MARCHF1: variants seen among roughly 807,000 people sequenced by gnomAD.
MARCHF1 encodes membrane associated ring-CH-type finger 1, also known as E3 ubiquitin-protein ligase MARCHF1.
In MARCHF1, 40 loss-of-function variants were observed where a neutral mutation model predicts 54.2. The ratio of observed to expected loss-of-function variants is 0.74; its 90% CI spans 0.57 to 0.96. The LOEUF (loss-of-function observed/expected upper bound fraction) is 0.96. Ranked by LOEUF, MARCHF1 falls within the 40% of genes least tolerant of loss-of-function variation. The pLI, the probability that MARCHF1 is intolerant of heterozygous loss-of-function variation, is 0.00. For missense variants in MARCHF1, 586 were observed against 656.5 expected (o/e 0.89, Z 1.17); for synonymous variants, 236 against 236.3 (o/e 1.00, Z 0.01).
Position 163,879,336 on chromosome 4 carries a change from C to G in MARCHF1, c.-38-25167G>C, listed in dbSNP as rs149323083. ...GTATAGCTGTCCCTAGTAATACAAG[C>G]TAATTATATATAACATTTGTATAAC... On this transcript the variant is annotated intron_variant, in intron 3 of 9. Transcript: ENST00000514618. Among the ~76,000 whole-genome samples, 51 of 152,220 alleles carry G rather than the reference C, an allele frequency of 3.4e-4. 1 individual carries two copies. In the East Asian group the frequency reaches 9.3e-3, roughly 28 times the overall value.
chr4:163,614,320 T>A (rs1741443647), intron 5 of MARCHF1, among the ~76,000 whole-genome samples: 1 of 152,094 alleles, frequency 6.6e-6, no homozygotes, highest in South Asian at 2.1e-4. Flanking sequence ...ATCTTTGTAG[T>A]AAATACTATA....
intron 3 of MARCHF1, among the ~76,000 whole-genome samples, chr4:163,973,207 A>G (rs1752584525): frequency 6.6e-6 from 1 of 152,236 alleles, no homozygotes; most frequent in South Asian, 2.1e-4. Context: ...CTGTTGCTGT[A>G]TAACAAACAT....
intron 8 of MARCHF1, among the ~76,000 whole-genome samples, chr4:163,574,135 C>T (rs1316990068): frequency 6.6e-6 from 1 of 151,962 alleles, no homozygotes; most frequent in Non-Finnish European, 1.5e-5. Context: ...CTGTTCATGT[C>T]CTTCGCCCAC....
chr4:163,695,639 A>T (rs138503081), intron 5 of MARCHF1, among the ~76,000 whole-genome samples: 1 of 152,312 alleles, frequency 6.6e-6, no homozygotes, highest in African/African-American at 2.4e-5. Context: ...TCTCATAAAC[A>T]GATTAGATTT....
rs115090206 is a variant in MARCHF1 at position 164,182,634 on chromosome 4, C to T, written c.-322-70972G>A. 5.4e-3 allele frequency among the ~76,000 whole-genome samples: 824 copies of T among 151,688 alleles called. 10 individuals are homozygous for T. Among genetic ancestry groups the T allele is most frequent in the African/African-American group, 0.019 (797 of 41,440 alleles). On this transcript the variant is annotated intron_variant, in intron 1 of 9. Coordinates refer to ENST00000514618, the MANE Select transcript of MARCHF1 (RefSeq NM_001394959.1). The stretch of plus-strand genomic sequence containing the variant: ...CGTCTGATGTATGTGCAAGAAAAAC[C>T]AGTTACAATACTGTTACACAGATTT...
chr4:164,279,297 AAATT>A (rs1733965119), intron 1 of MARCHF1, among the ~76,000 whole-genome samples: 2 of 151,690 alleles, frequency 1.3e-5, no homozygotes, highest in African/African-American at 4.8e-5. Flanking sequence ...ATAAGTAAAT[AAATT>A]AATATACTAG....
chr4:163,928,767 G>A (rs1751592358), intron 3 of MARCHF1, among the ~76,000 whole-genome samples: 1 of 151,762 alleles, frequency 6.6e-6, no homozygotes, highest in Admixed American at 6.6e-5. Flanking sequence ...TGCTGAGAGT[G>A]GTAAAAATCT....
chr4:164,368,562 T>C (rs1179890723), intron 1 of MARCHF1, among the ~76,000 whole-genome samples: 5 of 151,800 alleles, frequency 3.3e-5, no homozygotes, highest in Non-Finnish European at 7.4e-5. Context: ...AAAGGAAAAA[T>C]ACAAGATTTC....
chr4:164,142,623 A>G (rs1415139245), intron 1 of MARCHF1, among the ~76,000 whole-genome samples: 1 of 152,164 alleles, frequency 6.6e-6, no homozygotes, highest in Non-Finnish European at 1.5e-5. Context: ...TGTCTGTTAG[A>G]AGGAAAACTA....
intron 4 of MARCHF1, among the ~76,000 whole-genome samples, chr4:163,788,423 C>A (rs1579287594): frequency 6.6e-6 from 1 of 151,866 alleles, no homozygotes; most frequent in African/African-American, 2.4e-5. Flanking sequence ...CCACTAATGT[C>A]TTTTTCTGTT....
intron 4 of MARCHF1, among the ~76,000 whole-genome samples, chr4:163,722,512 T>C (rs1246203936): frequency 3.9e-5 from 6 of 152,210 alleles, no homozygotes; most frequent in Non-Finnish European, 7.3e-5. Context: ...TTCTGTTGAT[T>C]TGGGGTGGAG....
intron 3 of MARCHF1, among the ~76,000 whole-genome samples, chr4:163,961,713 A>G (rs1391687486): frequency 6.6e-6 from 1 of 151,914 alleles, no homozygotes; most frequent in Non-Finnish European, 1.5e-5. Flanking sequence ...CTAAAATTTT[A>G]TGTAACTTCT....
intron 1 of MARCHF1, among the ~76,000 whole-genome samples, chr4:164,229,407 G>A (rs1384449478): frequency 1.3e-5 from 2 of 152,168 alleles, no homozygotes; most frequent in East Asian, 1.9e-4. Context: ...CAGGGCTTGA[G>A]GCCAGCTGCC....
At chr4:164,165,362 G>GTGTCTCTCTCTCTC (rs561314368) in intron 1 of MARCHF1, among the ~76,000 whole-genome samples, 6 of 148,642 alleles carry the variant, frequency 4.0e-5, no homozygotes, top group African/African-American at 1.5e-4. Context: ...TTTTCTCTCT[G>GTGTCTCTCTCTCTC]TCTCTCTCTC....
chr4:164,305,258 T>G (rs373192797), intron 1 of MARCHF1, among the ~76,000 whole-genome samples: 1 of 152,146 alleles, frequency 6.6e-6, no homozygotes, highest in East Asian at 1.9e-4. Context: ...CGTATAGATA[T>G]GAAATTACAA....
At chr4:163,619,974 C>T (rs905751364) in intron 5 of MARCHF1, among the ~76,000 whole-genome samples, 3 of 151,998 alleles carry the variant, frequency 2.0e-5, no homozygotes, top group African/African-American at 4.8e-5. Flanking sequence ...CCATCCTGGA[C>T]AAAACCAGAA....
chr4:163,932,269 C>A (rs1751693835), intron 3 of MARCHF1, among the ~76,000 whole-genome samples: 1 of 152,212 alleles, frequency 6.6e-6, no homozygotes, highest in South Asian at 2.1e-4. Flanking sequence ...TGAAATAAGA[C>A]AATGAGATTT....
chr4:163,908,354 A>G, intron 3 of MARCHF1, among the ~76,000 whole-genome samples: 1 of 152,082 alleles, frequency 6.6e-6, no homozygotes, highest in Admixed American at 6.6e-5. Context: ...CAGAGATAGA[A>G]AGAGAGAGAG....
intron 4 of MARCHF1, among the ~76,000 whole-genome samples, chr4:163,768,110 T>G (rs1004486666): frequency 6.6e-6 from 1 of 152,182 alleles, no homozygotes; most frequent in African/African-American, 2.4e-5. Flanking sequence ...TTTTAAAAAT[T>G]GAATTTTGAG....
Sources: gnomAD v4.1 joint callset for allele counts (sites outside exome capture counted in the v4.1 genomes callset) on GRCh38, gnomAD v4.1.1 for gene constraint, MANE v1.5 for transcripts, NCBI Gene and HGNC (gene_info 2026-07-23, HGNC 2026-07-21) for gene names.